The following DOT1L variants were observed in gnomAD, a reference collection of about 807,000 sequenced individuals.
The protein encoded by DOT1L is DOT1 like histone lysine methyltransferase.
In DOT1L, 33 loss-of-function variants were observed where a neutral mutation model predicts 153.3. The ratio of observed to expected loss-of-function variants is 0.22; its 90% CI spans 0.16 to 0.29. The LOEUF is 0.29. Ranked by LOEUF, DOT1L falls within the 10% of genes least tolerant of loss-of-function variation. DOT1L has a pLI of 1.00. For missense variants in DOT1L, 1,847 were observed against 2,119.9 expected, an observed-to-expected ratio of 0.87 and a Z score of 2.53; for synonymous variants, 1,135 against 965.1, an observed-to-expected ratio of 1.18 and a Z score of -3.26.
rs756928295 is a variant in DOT1L, at chr19:2,228,108, A to C, written c.4606+981A>C. The stretch of plus-strand genomic sequence containing the variant: ...GCCTAACCAAGCTTTCTTGCCCCCC[A>C]CCTCTGCTGCCTCTCTGCCGCCTGC... On this transcript the variant is annotated intron_variant, in intron 27 of 27. Coordinates refer to ENST00000398665, the MANE Select transcript of DOT1L (RefSeq NM_032482.3). The C allele has an allele frequency of 8.9e-6, 12 of 1,348,256 alleles. No homozygotes were observed. In the African/African-American group the frequency reaches 9.3e-5, roughly 10 times the overall value. The allele number at this position is 1,348,256 out of a possible 1,614,324, so 83.5% of individuals were successfully genotyped here.
At chr19:2,224,482 CT>C (rs1184617378) in intron 25 of DOT1L, among the ~76,000 whole-genome samples, 1 of 141,700 alleles carries the variant, frequency 7.1e-6, no homozygotes, top group Non-Finnish European at 1.5e-5. Context: ...TTTTTTTTTC[CT>C]GAGACACAGA....
chr19:2,224,529 G>A (rs1048178739), intron 25 of DOT1L, among the ~76,000 whole-genome samples: 1 of 150,332 alleles, frequency 6.7e-6, no homozygotes, highest in African/African-American at 2.5e-5. Flanking sequence ...GTGCGGTGGC[G>A]CGATCTCGGC....
chr19:2,199,965 G>A lies in DOT1L; in HGVS notation c.707+26G>A, dbSNP rs181699454. ...GTATGGCCAGCGTGGGGCATGCAGG[G>A]CATGTGGGGTGTGCGCTCACAGGCG... On this transcript the variant is annotated intron_variant, in intron 8 of 27. Coordinates refer to ENST00000398665, the MANE Select transcript of DOT1L (RefSeq NM_032482.3). The A allele has an allele frequency of 1.9e-6, 3 of 1,611,996 alleles. No individual in the cohort carries two copies. In the East Asian group the frequency reaches 6.7e-5, roughly 36 times the overall value.
At chr19:2,201,009 C>T (rs2023249555) in intron 8 of DOT1L, among the ~76,000 whole-genome samples, 1 of 131,324 alleles carries the variant, frequency 7.6e-6, no homozygotes, top group South Asian at 2.6e-4. Flanking sequence ...TCCTCGTCCT[C>T]CCCGCATTCC....
intron 1 of DOT1L, among the ~76,000 whole-genome samples, chr19:2,164,679 C>T (rs189214036): frequency 6.8e-4 from 103 of 150,726 alleles, no homozygotes; most frequent in African/African-American, 2.3e-3. Context: ...CTCCTCTTCT[C>T]TTCTTTTTAA....
chr19:2,218,560 A>G (rs1568364034), intron 22 of DOT1L, among the ~76,000 whole-genome samples: 1 of 149,930 alleles, frequency 6.7e-6, no homozygotes, highest in African/African-American at 2.5e-5. Context: ...CGCCTGGCTA[A>G]TTTTTTGTAT....
rs1308833479 is a variant in DOT1L, at chr19:2,230,139, G to C, written c.*347G>C. The C allele has an allele frequency of 1.9e-6, 1 of 512,906 alleles. No individual in the cohort carries two copies. The allele number at this position is 512,906 out of a possible 1,614,324, so 31.8% of individuals were successfully genotyped here. A position where few individuals can be genotyped will look rare whatever the true frequency, so the allele number is the denominator to read the frequency against. On this transcript the variant is annotated 3_prime_UTR_variant, in exon 28 of 28. Coordinates refer to ENST00000398665, the MANE Select transcript of DOT1L (RefSeq NM_032482.3). ...TGTCTGCAGGGCGGGCCCGCCAGCG[G>C]ATTCGCCACAGCCTGCCCCGGTGCT...
At position 2,220,065 on chromosome 19, in the gene DOT1L, GGGGCACCTGC is replaced by G. The variant is rs746080277; in HGVS notation, c.2692-42_2692-33del. ...TTTCCAGCTGGGTTCTGGGTCTCCT[GGGGCACCTGC>G]TGCCCCTGACACACAGGGTTTTCTC... On this transcript the variant is annotated intron_variant, in intron 22 of 27. Coordinates refer to ENST00000398665, the MANE Select transcript of DOT1L (RefSeq NM_032482.3). The surrounding 1 kb of genome is among the most constrained non-coding windows in gnomAD (Gnocchi z 4.5). 1 of 1,551,426 alleles carries G rather than the reference GGGGCACCTGC, an allele frequency of 6.4e-7. No homozygotes were observed. Among genetic ancestry groups the G allele is most frequent in the Non-Finnish European group, 8.8e-7 (1 of 1,140,466 alleles).
chr19:2,228,452 G>A (rs561112849), intron 27 of DOT1L: 10 of 1,223,944 alleles, frequency 8.2e-6, no homozygotes, highest in Admixed American at 6.1e-5. Flanking sequence ...AGAGAAGACG[G>A]CCACAGGGCT....
At chr19:2,206,521 CAAAAAAA>C (rs5826758) in intron 9 of DOT1L, among the ~76,000 whole-genome samples, 11 of 80,700 alleles carry the variant, frequency 1.4e-4, no homozygotes, top group African/African-American at 4.3e-4. Context: ...GACTCTGTCT[CAAAAAAA>C]AAAAAAAAAA....
rs1170083562 is a variant in DOT1L, at chr19:2,222,196, T to C, written c.3027T>C (p.Ser1009=). ...CTCCCGCCCACCAGCTCTCCTCCAG[T>C]CCCCGGCTTGGTGGGGCCGCCCAGG... The part of the protein sequence containing the change: ...PASPAHQLSS[S]PRLGGAAQGP... Residue 1009 remains serine, a synonymous_variant, in exon 24 of 28, where the codon AGT becomes AGC. Coordinates refer to ENST00000398665, the MANE Select transcript of DOT1L (RefSeq NM_032482.3). The surrounding 1 kb of genome is among the most constrained non-coding windows in gnomAD (Gnocchi z 6.5). The C allele has an allele frequency of 6.2e-7, 1 of 1,612,996 alleles. No homozygotes were observed.
In DOT1L at chr19:2,211,137, C is replaced by T. The variant is rs2023698282; in HGVS notation, c.1390C>T (p.Pro464Ser). The change falls in exon 15 of 28, where the codon CCT becomes TCT. Residue 464 changes from proline (P) to serine (S), a missense_variant. Pro to Ser is a moderately conservative substitution (Grantham distance 74, BLOSUM62 -1). Coordinates refer to ENST00000398665, the MANE Select transcript of DOT1L (RefSeq NM_032482.3). Reference sequence around the variant, plus strand: ...CCCTCACAGCCCGTTCTACCAGCTACCTCCGAGCGTGCAGCGGCACTCCCC... The same window carrying T: ...CCCTCACAGCCCGTTCTACCAGCTATCTCCGAGCGTGCAGCGGCACTCCCC... ...RSPHSPFYQL[P>S]PSVQRHSPNP... 1.9e-6 allele frequency: 3 copies of T among 1,613,114 alleles called. No homozygotes were observed. The South Asian group carries it at 3.3e-5, about 18-fold the overall frequency.
Position 2,193,878 on chromosome 19 carries a change from C to T in DOT1L, c.588+95C>T, listed in dbSNP as rs985685174. 16 of 1,317,170 alleles carry T rather than the reference C, an allele frequency of 1.2e-5. No homozygotes were observed. Among genetic ancestry groups the T allele is most frequent in the East Asian group, 7.1e-5 (3 of 42,430 alleles). 81.6% of individuals were successfully genotyped at this position (1,317,170 alleles called of 1,614,324 possible). On this transcript the variant is annotated intron_variant, in intron 6 of 27. Transcript: ENST00000398665. The surrounding 1 kb of genome is among the most constrained non-coding windows in gnomAD (Gnocchi z 5.9). The stretch of plus-strand genomic sequence containing the variant: ...CTGCACCCCACTGCTGTGGGACTTC[C>T]GAGTCTGGGTGGCGTTCTTTCCAGG...
At chr19:2,171,684 A>G (rs988860370) in intron 1 of DOT1L, among the ~76,000 whole-genome samples, 3 of 152,066 alleles carry the variant, frequency 2.0e-5, no homozygotes, top group Non-Finnish European at 4.4e-5. Flanking sequence ...TTATTTCCTG[A>G]GTGCTTCCTG....
chr19:2,168,221 A>C (rs1331476313), intron 1 of DOT1L, among the ~76,000 whole-genome samples: 1 of 152,178 alleles, frequency 6.6e-6, no homozygotes, highest in Non-Finnish European at 1.5e-5. Context: ...TAGTCCCTGC[A>C]CTTTGGGAAG....
At position 2,226,645 on chromosome 19, in the gene DOT1L, G is replaced by C; in HGVS notation, c.4124G>C (p.Gly1375Ala). ...NPFLSKRQLDGLAGLKGEGSR... is the reference protein window; with the variant it reads ...NPFLSKRQLDALAGLKGEGSR... Reference sequence around the variant, plus strand: ...TTCCTGAGCAAGAGGCAGCTGGACGGCCTGGCTGGGCTGAAGGGCGAGGGC... The same window carrying C: ...TTCCTGAGCAAGAGGCAGCTGGACGCCCTGGCTGGGCTGAAGGGCGAGGGC... Residue 1375 changes from glycine to alanine, a missense_variant, in exon 27 of 28, where the codon GGC becomes GCC. By Grantham distance (60) the Gly-to-Ala change is moderately conservative (BLOSUM62 0). Transcript: ENST00000398665. 2 of 1,586,274 alleles carry C rather than the reference G, an allele frequency of 1.3e-6. No individual in the cohort carries two copies. Among genetic ancestry groups the C allele is most frequent in the Middle Eastern group, 1.7e-4 (1 of 6,034 alleles).
At chr19:2,166,862 G>GC (rs1441102087) in intron 1 of DOT1L, among the ~76,000 whole-genome samples, 1 of 152,110 alleles carries the variant, frequency 6.6e-6, no homozygotes, top group African/African-American at 2.4e-5. Context: ...TCCCTGCGGC[G>GC]CCCCCATCCT....
intron 20 of DOT1L, 66 bp from the exon 21 acceptor site, chr19:2,216,889 G>A: frequency 3.2e-6 from 5 of 1,567,566 alleles, no homozygotes; most frequent in Non-Finnish European, 4.3e-6. Flanking sequence ...GGAGGTGCTG[G>A]GCCAGGCCGC....
chr19:2,216,267 C>T lies in DOT1L; in HGVS notation c.1924-14C>T, dbSNP rs201074438. 6.4e-6 allele frequency: 10 copies of T among 1,553,368 alleles called. No homozygotes were observed. The highest frequency in any genetic ancestry group is 2.4e-5 in the South Asian group (2 of 82,756). ...CCCGGTGGGGCGGGCCTGACACCAT[C>T]TCTCCTCCTGCAGATCAGCATTGTG... On this transcript the variant is annotated splice_polypyrimidine_tract_variant and intron_variant, in intron 19 of 27. Coordinates refer to ENST00000398665, the MANE Select transcript of DOT1L (RefSeq NM_032482.3).
Sources: gnomAD v4.1 joint callset for allele counts (sites outside exome capture counted in the v4.1 genomes callset) on GRCh38, gnomAD v4.1.1 for gene constraint, Gnocchi (gnomAD v3.1) non-coding constraint, MANE v1.5 for transcripts, NCBI Gene and HGNC (gene_info 2026-07-23, HGNC 2026-07-21) for gene names.